The following VIM variants were observed in gnomAD, a reference collection of about 807,000 sequenced individuals.
VIM encodes vimentin.
VIM carries 18 observed loss-of-function variants against 50.3 expected under a neutral mutation model. That is an observed-to-expected ratio of 0.36 (90% CI 0.25 to 0.53). The LOEUF (loss-of-function observed/expected upper bound fraction) is 0.53. VIM is among the 20% of genes least tolerant of loss of function. VIM has a pLI of 0.91. For missense variants in VIM, 551 were observed against 614.7 expected (o/e 0.90, Z 1.10); for synonymous variants, 245 against 248.5 (o/e 0.99, Z 0.13).
At chr10:17,230,363 G>C in intron 2 of VIM, 1 of 572,622 alleles carries the variant, frequency 1.7e-6, no homozygotes, top group East Asian at 3.0e-5. Context: ...GAGAAGGAAG[G>C]AGGGGAAGGC....
chr10:17,230,188 CCT>C (rs1386002108), intron 2 of VIM: 2 of 644,786 alleles, frequency 3.1e-6, no homozygotes, highest in African/African-American at 3.7e-5. Context: ...CGCATTTCCT[CCT>C]CTGTCCCCAC....
At position 17,233,659 on chromosome 10, in the gene VIM, T is replaced by C; in HGVS notation, c.697T>C (p.Phe233Leu). The C allele has an allele frequency of 6.2e-7, 1 of 1,614,182 alleles. No individual in the cohort carries two copies. The highest frequency in any genetic ancestry group is 8.5e-7 in the Non-Finnish European group (1 of 1,180,026). ...GGAATCTTTGCAAGAAGAGATTGCCTTTTTGAAGAAACTCCACGAAGAGGT... is the reference window on the plus strand; with the variant it reads ...GGAATCTTTGCAAGAAGAGATTGCCCTTTTGAAGAAACTCCACGAAGAGGT... ...KVESLQEEIAFLKKLHEEEIQ... is the reference protein window; with the variant it reads ...KVESLQEEIALLKKLHEEEIQ... Residue 233 changes from phenylalanine to leucine, a missense_variant, in exon 4 of 10, where the codon TTT (phenylalanine) becomes CTT (leucine). By Grantham distance (22) the Phe-to-Leu change is conservative. Transcript: ENST00000544301.
rs557198581 is a variant in VIM, at chr10:17,230,161, A to G, written c.563+176A>G. On this transcript the variant is annotated intron_variant, in intron 2 of 9. Transcript: ENST00000544301. ...CTGTGGTGGCGCAGCCCCGCCCAGA[A>G]CCCAGACCTTGCAGTTCGCATTTCC... is the stretch of plus-strand genomic sequence containing the variant. The G allele has an allele frequency of 9.1e-5, 69 of 760,766 alleles. No homozygotes were observed. In the African/African-American group the frequency reaches 1.1e-3, roughly 12 times the overall value. 47.1% of individuals were successfully genotyped at this position (760,766 alleles called of 1,614,324 possible). A position where few individuals can be genotyped will look rare whatever the true frequency, so the allele number is the denominator to read the frequency against.
Position 17,229,456 on chromosome 10 carries a change from C to G in VIM, c.34C>G (p.Arg12Gly). The G allele has an allele frequency of 6.2e-7, 1 of 1,607,050 alleles. No homozygotes were observed. Among genetic ancestry groups the G allele is most frequent in the Non-Finnish European group, 8.5e-7 (1 of 1,179,178 alleles). The stretch of plus-strand genomic sequence containing the variant: ...CAGGTCCGTGTCCTCGTCCTCCTAC[C>G]GCAGGATGTTCGGCGGCCCGGGCAC... ...STRSVSSSSY[R>G]RMFGGPGTAS... is the part of the protein sequence containing the mutation. Residue 12 changes from arginine (R) to glycine (G), a missense_variant, in exon 2 of 10, where the codon CGC becomes GGC. Around this residue, in one of 3 missense-constraint regions of VIM, gnomAD observed 134 missense variants for 126.4 expected, o/e 1.06. Coordinates refer to ENST00000544301, the MANE Select transcript of VIM (RefSeq NM_003380.5).
chr10:17,233,707 T>C (rs775056364), intron 4 of VIM, 25 bp downstream of exon 4: 1 of 1,614,136 alleles, frequency 6.2e-7, no homozygotes, highest in Non-Finnish European at 8.5e-7. Context: ...TTTCGGGGAA[T>C]GAATGAGGGT....
chr10:17,234,890 T>C lies in VIM; in HGVS notation c.1008+72T>C, dbSNP rs535174506. The C allele has an allele frequency of 3.1e-6, 5 of 1,601,554 alleles. No homozygotes were observed. The South Asian group carries it at 4.4e-5, about 14-fold the overall frequency. ...TGCTGACTAGGCTCATGATGATACC[T>C]GAACAAAATGTTGAGTGAGTAAAAA... is the stretch of plus-strand genomic sequence containing the variant. On this transcript the variant is annotated intron_variant, in intron 6 of 9. Coordinates refer to ENST00000544301, the MANE Select transcript of VIM (RefSeq NM_003380.5).
chr10:17,233,748 C>T (rs369156076), intron 4 of VIM, 22 bp from the exon 5 acceptor site: 264 of 1,614,052 alleles, frequency 1.6e-4, no homozygotes, highest in Non-Finnish European at 2.0e-4. Context: ...CAGAGCTGAC[C>T]GTCTGTCTGT....
In VIM at chr10:17,236,172, C is replaced by G. The variant is rs165531; in HGVS notation, c.1274-122C>G. On this transcript the variant is annotated intron_variant, in intron 8 of 9. Transcript: ENST00000544301. The stretch of plus-strand genomic sequence containing the variant: ...CAGAGACTACCCTAAAATTATTTGG[C>G]GAGTAGTACTTTACACAATTGCCTC... 0.47 allele frequency: 407,090 copies of G among 870,626 alleles called. 100,417 individuals carry two copies. The highest frequency in any genetic ancestry group is 0.73 in the East Asian group (30,122 of 41,518). The allele number at this position is 870,626 out of a possible 1,614,324, so 53.9% of individuals were successfully genotyped here. A position where few individuals can be genotyped will look rare whatever the true frequency, so the allele number is the denominator to read the frequency against.
chr10:17,234,833 T>C lies in VIM; in HGVS notation c.1008+15T>C. 6.2e-7 allele frequency: 1 copy of C among 1,614,026 alleles called. No individual in the cohort carries two copies. The highest frequency in any genetic ancestry group is 8.5e-7 in the Non-Finnish European group (1 of 1,179,988). On this transcript the variant is annotated intron_variant, in intron 6 of 9. Coordinates refer to ENST00000544301, the MANE Select transcript of VIM (RefSeq NM_003380.5). ...TTAAAGGAACCGTGAGTACCAACCCTGCAGTAAAAGAGGGAAAATAATGAC... is the reference window on the plus strand; with the variant it reads ...TTAAAGGAACCGTGAGTACCAACCCCGCAGTAAAAGAGGGAAAATAATGAC...
At chr10:17,230,051 C>G (rs1846757936) in intron 2 of VIM, 66 bp downstream of exon 2, 6 of 1,513,162 alleles carry the variant, frequency 4.0e-6, no homozygotes, top group African/African-American at 2.8e-5. Flanking sequence ...GGAACGCCCC[C>G]CCGGCCCCCG....
rs1303380482 is a variant in VIM at position 17,230,669 on chromosome 10, C to T, written c.583C>T (p.Gln195Ter). Residue 195 changes from glutamine (Q) to a stop codon, truncating the protein, a stop_gained, in exon 3 of 10, where the codon CAG (glutamine) becomes TAG (stop). Coordinates refer to ENST00000544301, the MANE Select transcript of VIM (RefSeq NM_003380.5). LOFTEE classifies it high-confidence loss of function. Reference protein sequence around the residue: ...LREKLQEEMLQREEAENTLQS... With the variant: ...LREKLQEEML ...TTTCAGATTGCAGGAGGAGATGCTTCAGAGAGAGGAAGCCGAAAACACCCT... is the reference window on the plus strand; with the variant it reads ...TTTCAGATTGCAGGAGGAGATGCTTTAGAGAGAGGAAGCCGAAAACACCCT... 6.2e-7 allele frequency: 1 copy of T among 1,614,050 alleles called. No homozygotes were observed. The highest frequency in any genetic ancestry group is 1.3e-5 in the African/African-American group (1 of 74,940).
chr10:17,229,881 G>A lies in VIM; in HGVS notation c.459G>A (p.Glu153=), dbSNP rs1846752401. The A allele has an allele frequency of 1.2e-6, 2 of 1,611,190 alleles. No individual in the cohort carries two copies. Among genetic ancestry groups the A allele is most frequent in the Admixed American group, 1.7e-5 (1 of 59,604 alleles). Residue 153 remains glutamate, a synonymous_variant, in exon 2 of 10, where the codon GAG becomes GAA. Coordinates refer to ENST00000544301, the MANE Select transcript of VIM (RefSeq NM_003380.5). ...KSRLGDLYEE[E]MRELRRQVDQ... ...GCCTGGGGGACCTCTACGAGGAGGA[G>A]ATGCGGGAGCTGCGCCGGCAGGTGG...
chr10:17,229,431 C>A lies in VIM; in HGVS notation c.9C>A (p.Thr3=). MS[T]RSVSSSSYRR... ...CGCCACCCTCCGCAGCCATGTCCAC[C>A]AGGTCCGTGTCCTCGTCCTCCTACC... The change falls in exon 2 of 10, where the codon ACC becomes ACA. Residue 3 remains threonine, a synonymous_variant. Coordinates refer to ENST00000544301, the MANE Select transcript of VIM (RefSeq NM_003380.5). 1 of 1,604,854 alleles carries A rather than the reference C, an allele frequency of 6.2e-7. No homozygotes were observed. Among genetic ancestry groups the A allele is most frequent in the South Asian group, 1.1e-5 (1 of 90,534 alleles).
At chr10:17,235,053 T>TA in intron 6 of VIM, 116 bp from the exon 7 acceptor site, 1 of 1,286,828 alleles carries the variant, frequency 7.8e-7, no homozygotes, top group Non-Finnish European at 1.1e-6. Flanking sequence ...CACCTAAAAT[T>TA]AGAGTGGTCG....
Position 17,230,688 on chromosome 10 carries a change from A to G in VIM, c.602A>G (p.Asn201Ser), listed in dbSNP as rs765911800. 1.9e-6 allele frequency: 3 copies of G among 1,614,138 alleles called. No individual in the cohort carries two copies. Among genetic ancestry groups the G allele is most frequent in the South Asian group, 1.1e-5 (1 of 91,076 alleles). The change falls in exon 3 of 10, where the codon AAC becomes AGC. Residue 201 changes from asparagine (N) to serine (S), a missense_variant. By Grantham distance (46) the Asn-to-Ser change is conservative (BLOSUM62 1). Coordinates refer to ENST00000544301, the MANE Select transcript of VIM (RefSeq NM_003380.5). ...EEMLQREEAENTLQSFRQDVD... is the reference protein window; with the variant it reads ...EEMLQREEAESTLQSFRQDVD... ...ATGCTTCAGAGAGAGGAAGCCGAAA[A>G]CACCCTGCAATCTTTCAGACAGGTT...
At chr10:17,233,962 A>G in intron 5 of VIM, 31 bp downstream of exon 5, 1 of 1,594,576 alleles carries the variant, frequency 6.3e-7, no homozygotes, top group Non-Finnish European at 8.5e-7. Flanking sequence ...GCTTCAACCA[A>G]AGAAAAGCAT....
At position 17,237,448 on chromosome 10, in the gene VIM, A is replaced by AGTT. The variant is rs1846912369; in HGVS notation, c.*178_*180dup. The AGTT allele has an allele frequency of 1.6e-6, 1 of 619,238 alleles. No homozygotes were observed. The allele number at this position is 619,238 out of a possible 1,614,324, so 38.4% of individuals were successfully genotyped here. On this transcript the variant is annotated 3_prime_UTR_variant, in exon 10 of 10. Coordinates refer to ENST00000544301, the MANE Select transcript of VIM (RefSeq NM_003380.5). ...GACACTCCTACAAGATTTAGAAAAA[A>AGTT]GTTTACAACATAATCTAGTTTACAG... is the stretch of plus-strand genomic sequence containing the variant.
chr10:17,233,551 A>G (rs1382827280), intron 3 of VIM, 36 bp from the exon 4 acceptor site: 2 of 1,599,684 alleles, frequency 1.3e-6, no homozygotes, highest in Admixed American at 1.7e-5. Context: ...ACACTTTTAC[A>G]TCCTCCATGT....
At chr10:17,234,909 G>A in intron 6 of VIM, 91 bp downstream of exon 6, 1 of 1,555,166 alleles carries the variant, frequency 6.4e-7, no homozygotes, top group Non-Finnish European at 8.8e-7. Context: ...TGTTGAGTGA[G>A]TAAAAATGTA....
Sources: allele counts gnomAD v4.1 joint callset, GRCh38; gene constraint gnomAD v4.1.1; regional missense constraint gnomAD v4.1.1; transcripts MANE v1.5; gene names NCBI Gene and HGNC (gene_info 2026-07-23, HGNC 2026-07-21).